Variants in TMTC1 observed in about 807,000 individuals in gnomAD.
TMTC1 encodes the protein protein O-mannosyl-transferase TMTC1.
A neutral mutation model predicts 104.8 loss-of-function variants in TMTC1; 73 were observed. That is an observed-to-expected ratio of 0.70 (90% CI 0.58 to 0.85). The LOEUF (loss-of-function observed/expected upper bound fraction) is 0.85, where lower values mean the gene tolerates loss of function less well. Among genes scored for constraint, TMTC1 ranks in the 40% least tolerant of loss-of-function variants. TMTC1 has a pLI of 0.00. For synonymous variants in TMTC1, 434 were observed against 428.7 expected, an observed-to-expected ratio of 1.01 and a Z score of -0.15; for missense variants, 1,035 against 1,096.1, an observed-to-expected ratio of 0.94 and a Z score of 0.79.
At chr12:29,545,563 C>T (rs1944916495) in intron 10 of TMTC1, among the ~76,000 whole-genome samples, 2 of 151,060 alleles carry the variant, frequency 1.3e-5, no homozygotes, top group African/African-American at 4.9e-5. Flanking sequence ...TCACTAAAAC[C>T]TGGAGGTTGC....
At position 29,754,155 on chromosome 12, in the gene TMTC1, A is replaced by G. The variant is rs145995413; in HGVS notation, c.731+1554T>C. Among the ~76,000 whole-genome samples, 798 of 140,616 alleles carry G rather than the reference A, an allele frequency of 5.7e-3. 10 individuals are homozygous for G. Among genetic ancestry groups the G allele is most frequent in the African/African-American group, 0.019 (735 of 37,732 alleles). The allele number at this position is 140,616 out of a possible 152,430, so 92.2% of individuals were successfully genotyped here. ...GCTGGGATTACAGGCGTGAGCCACC[A>G]CGCCCAGCCTAAAAGTTTCTTTAAA... On this transcript the variant is annotated intron_variant, in intron 4 of 17. Coordinates refer to ENST00000539277, the MANE Select transcript of TMTC1 (RefSeq NM_001193451.2).
intron 5 of TMTC1, chr12:29,660,738 A>G: frequency 1.9e-6 from 1 of 527,572 alleles, no homozygotes; most frequent in Non-Finnish European, 2.8e-6. Context: ...GTCTGAGCTG[A>G]GATAGAGTGG....
At chr12:29,682,954 G>A (rs975741657) in intron 5 of TMTC1, among the ~76,000 whole-genome samples, 1 of 152,092 alleles carries the variant, frequency 6.6e-6, no homozygotes, top group African/African-American at 2.4e-5. Context: ...TGTAACCATT[G>A]GAAGCAACTG....
At chr12:29,645,647 T>G (rs1322303824) in intron 5 of TMTC1, among the ~76,000 whole-genome samples, 1 of 152,194 alleles carries the variant, frequency 6.6e-6, no homozygotes, top group Non-Finnish European at 1.5e-5. Context: ...TTTTTTTGCC[T>G]AAGGTATCTT....
chr12:29,635,042 T>TG (rs1352020527), intron 5 of TMTC1, among the ~76,000 whole-genome samples: 1 of 152,116 alleles, frequency 6.6e-6, no homozygotes, highest in Non-Finnish European at 1.5e-5. Context: ...AACAAAGACA[T>TG]GGGTTGAAAG....
intron 5 of TMTC1, among the ~76,000 whole-genome samples, chr12:29,726,257 G>T (rs766131886): frequency 6.6e-6 from 1 of 152,092 alleles, no homozygotes; most frequent in East Asian, 1.9e-4. Flanking sequence ...TTCTGCCCTC[G>T]TTTCTGCCTG....
At chr12:29,690,548 G>A (rs1476247762) in intron 5 of TMTC1, among the ~76,000 whole-genome samples, 3 of 152,156 alleles carry the variant, frequency 2.0e-5, no homozygotes, top group African/African-American at 7.2e-5. Flanking sequence ...AATGAATGGA[G>A]TAAGTTTATA....
chr12:29,511,030 G>A (rs569763838), intron 17 of TMTC1, among the ~76,000 whole-genome samples: 71 of 152,022 alleles, frequency 4.7e-4, no homozygotes, highest in Non-Finnish European at 3.4e-4. Flanking sequence ...TCCCTATTTC[G>A]CCACATGGCT....
At chr12:29,738,868 C>T (rs1192436777) in intron 5 of TMTC1, among the ~76,000 whole-genome samples, 1 of 152,078 alleles carries the variant, frequency 6.6e-6, no homozygotes, top group Non-Finnish European at 1.5e-5. Flanking sequence ...ACTCAAGGCT[C>T]CTGTTACCTT....
At chr12:29,511,135 C>T (rs931685974) in intron 17 of TMTC1, among the ~76,000 whole-genome samples, 22 of 152,168 alleles carry the variant, frequency 1.4e-4, no homozygotes, top group African/African-American at 5.3e-4. Flanking sequence ...CCTGGCATTC[C>T]AATCTTCTTT....
In TMTC1 at chr12:29,564,565, A is replaced by G. The variant is rs12813081; in HGVS notation, c.1532+7540T>C. 9.5e-3 allele frequency among the ~76,000 whole-genome samples: 1,443 copies of G among 152,326 alleles called. 16 individuals carry two copies. The highest frequency in any genetic ancestry group is 0.037 in the South Asian group (181 of 4,828). On this transcript the variant is annotated intron_variant, in intron 9 of 17. Transcript: ENST00000539277. ...GAGTTAGGTAATTTGATGCCCAAGC[A>G]TGGTCCATTGGAATTATCTGCATGG...
At position 29,506,680 on chromosome 12, in the gene TMTC1, T is replaced by A; in HGVS notation, c.*166A>T. 4 of 760,290 alleles carry A rather than the reference T, an allele frequency of 5.3e-6. No homozygotes were observed. The highest frequency in any genetic ancestry group is 8.5e-6 in the Non-Finnish European group (4 of 470,758). 47.1% of individuals were successfully genotyped at this position (760,290 alleles called of 1,614,324 possible). A position where few individuals can be genotyped will look rare whatever the true frequency, so the allele number is the denominator to read the frequency against. On this transcript the variant is annotated 3_prime_UTR_variant, in exon 18 of 18. Transcript: ENST00000539277. ...TTCGTCTTCTTCATGGAAAAGCAAG[T>A]CCTTCAGCACTGGGCTACCAGCAGA...
At chr12:29,653,379 C>T (rs369867444) in intron 5 of TMTC1, among the ~76,000 whole-genome samples, 46 of 151,864 alleles carry the variant, frequency 3.0e-4, no homozygotes, top group Non-Finnish European at 3.7e-4. Flanking sequence ...AGTCACAGCA[C>T]GAGGGGACTA....
intron 7 of TMTC1, among the ~76,000 whole-genome samples, chr12:29,603,345 G>A (rs1409761567): frequency 6.6e-6 from 1 of 151,894 alleles, no homozygotes; most frequent in African/African-American, 2.4e-5. Context: ...TTTGGTTTAT[G>A]ATACTGCCTT....
intron 5 of TMTC1, among the ~76,000 whole-genome samples, chr12:29,663,564 TAG>T (rs1770953047): frequency 6.6e-6 from 1 of 151,976 alleles, no homozygotes; most frequent in African/African-American, 2.4e-5. Context: ...TCGCCCAGGC[TAG>T]AGTGTAGTGG....
intron 6 of TMTC1, among the ~76,000 whole-genome samples, chr12:29,615,932 C>A (rs544547986): frequency 2.6e-4 from 39 of 152,264 alleles, no homozygotes; most frequent in Non-Finnish European, 4.3e-4. Flanking sequence ...TCCAGTGACC[C>A]AGGCACCTTT....
At chr12:29,627,796 C>T (rs1487567528) in intron 6 of TMTC1, among the ~76,000 whole-genome samples, 1 of 151,868 alleles carries the variant, frequency 6.6e-6, no homozygotes, top group East Asian at 1.9e-4. Context: ...AATATTCTGG[C>T]ATATTTACTT....
intron 5 of TMTC1, among the ~76,000 whole-genome samples, chr12:29,674,125 A>C (rs1037656131): frequency 6.6e-6 from 1 of 152,132 alleles, no homozygotes; most frequent in Non-Finnish European, 1.5e-5. Context: ...TTGACAACAC[A>C]GAGGCAGCTG....
intron 5 of TMTC1, among the ~76,000 whole-genome samples, chr12:29,722,253 T>A (rs949269162): frequency 2.0e-5 from 3 of 152,208 alleles, no homozygotes; most frequent in Non-Finnish European, 4.4e-5. Flanking sequence ...AGAAAATACA[T>A]GAAACTTTTA....
Sources: allele counts gnomAD v4.1 joint callset (sites outside exome capture counted in the v4.1 genomes callset), GRCh38; gene constraint gnomAD v4.1.1; transcripts MANE v1.5; gene names NCBI Gene and HGNC (gene_info 2026-07-23, HGNC 2026-07-21).